Variants in VAV1 observed in about 807,000 individuals in gnomAD.
VAV1 encodes the protein proto-oncogene vav.
VAV1 carries 33 observed loss-of-function variants against 128.1 expected under a neutral mutation model. The observed-to-expected ratio is 0.26, with a 90% CI of 0.20 to 0.34. The LOEUF (loss-of-function observed/expected upper bound fraction) is 0.34, where lower values mean the gene tolerates loss of function less well. Among genes scored for constraint, VAV1 ranks in the 10% least tolerant of loss-of-function variants. The pLI, the probability that VAV1 is intolerant of heterozygous loss-of-function variation, is 1.00. For synonymous variants in VAV1, 394 were observed against 409.8 expected, an observed-to-expected ratio of 0.96 and a Z score of 0.47; for missense variants, 715 against 1,093.7, an observed-to-expected ratio of 0.65 and a Z score of 4.88.
chr19:6,786,703 A>G (rs1330193374), intron 1 of VAV1, among the ~76,000 whole-genome samples: 1 of 152,166 alleles, frequency 6.6e-6, no homozygotes, highest in East Asian at 1.9e-4. Context: ...GGATCACTTC[A>G]GCCTGGGAGA....
chr19:6,780,608 A>G (rs796473141), intron 1 of VAV1, among the ~76,000 whole-genome samples: 6 of 128,056 alleles, frequency 4.7e-5, no homozygotes, highest in African/African-American at 1.8e-4. Context: ...GTCTCACTCT[A>G]TTCCTCAGGC....
rs370624141 is a variant in VAV1, at chr19:6,805,583, T to TATACACACAC, written c.205-15118_205-15117insTACACACACA. Among the ~76,000 whole-genome samples, 9 of 139,096 alleles carry TATACACACAC rather than the reference T, an allele frequency of 6.5e-5. No individual in the cohort carries two copies. In the East Asian group the frequency reaches 1.1e-3, roughly 17 times the overall value. The allele number at this position is 139,096 out of a possible 152,430, so 91.3% of individuals were successfully genotyped here. On this transcript the variant is annotated intron_variant, in intron 1 of 26. Coordinates refer to ENST00000602142, the MANE Select transcript of VAV1 (RefSeq NM_005428.4). ...ATAGTGAGACCCTCATTTCTACAGA[T>TATACACACAC]ACACACACACACACACACACACACA... is the stretch of plus-strand genomic sequence containing the variant.
intron 1 of VAV1, among the ~76,000 whole-genome samples, chr19:6,795,968 C>T (rs527768484): frequency 6.6e-6 from 1 of 152,294 alleles, no homozygotes; most frequent in South Asian, 2.1e-4. Flanking sequence ...CAGGGGTGAG[C>T]CACCGCACCC....
At chr19:6,791,756 A>T (rs1210014642) in intron 1 of VAV1, among the ~76,000 whole-genome samples, 1 of 152,158 alleles carries the variant, frequency 6.6e-6, no homozygotes, top group Non-Finnish European at 1.5e-5. Context: ...AAACCCAGGG[A>T]TCAAGGGGAA....
chr19:6,778,622 C>T (rs1696297490), intron 1 of VAV1, among the ~76,000 whole-genome samples: 2 of 152,186 alleles, frequency 1.3e-5, no homozygotes, highest in South Asian at 4.1e-4. Context: ...GTGGTCCCAG[C>T]TACCCGAGAG....
chr19:6,820,769 G>A lies in VAV1; in HGVS notation c.272G>A (p.Ser91Asn). ...TCCEKFGLKR[S>N]ELFEAFDLFD... ...TGTGAGAAGTTCGGCCTCAAGCGGA[G>A]CGAGCTCTTCGAAGCCTTTGACCTC... is the stretch of plus-strand genomic sequence containing the variant. The change falls in exon 2 of 27, where the codon AGC (serine) becomes AAC (asparagine). Residue 91 changes from serine to asparagine, a missense_variant. By Grantham distance (46) the Ser-to-Asn change is conservative. Transcript: ENST00000602142. The surrounding 1 kb of genome is among the most constrained non-coding windows in gnomAD (Gnocchi z 4.4). 2 of 1,614,222 alleles carry A rather than the reference G, an allele frequency of 1.2e-6. No homozygotes were observed. Among genetic ancestry groups the A allele is most frequent in the Non-Finnish European group, 1.7e-6 (2 of 1,180,038 alleles).
At chr19:6,824,687 G>A (rs1206744998) in intron 6 of VAV1, among the ~76,000 whole-genome samples, 4 of 151,914 alleles carry the variant, frequency 2.6e-5, no homozygotes, top group South Asian at 2.1e-4. Flanking sequence ...ATCTGCCACC[G>A]TGCCCAGCTT....
chr19:6,784,332 G>T, intron 1 of VAV1: 1 of 457,316 alleles, frequency 2.2e-6, no homozygotes, highest in Non-Finnish European at 4.0e-6. Context: ...GGCCATGGGG[G>T]AGGAATTCAG....
At chr19:6,800,869 C>T (rs968987075) in intron 1 of VAV1, among the ~76,000 whole-genome samples, 1 of 149,076 alleles carries the variant, frequency 6.7e-6, no homozygotes, top group Non-Finnish European at 1.5e-5. Context: ...TCAAGTGATC[C>T]GCCCGCCTCA....
At chr19:6,846,812 A>G (rs1972533981) in intron 22 of VAV1, among the ~76,000 whole-genome samples, 2 of 147,684 alleles carry the variant, frequency 1.4e-5, no homozygotes, top group Non-Finnish European at 3.0e-5. Flanking sequence ...GTTATATATT[A>G]TTATATAATG....
intron 22 of VAV1, 95 bp downstream of exon 22, chr19:6,843,261 C>T: frequency 7.1e-7 from 1 of 1,399,358 alleles, no homozygotes; most frequent in Non-Finnish European, 1.0e-6. Context: ...ATTAGTTATG[C>T]ATTCTGTGAT....
At chr19:6,812,993 C>G (rs996316728) in intron 1 of VAV1, among the ~76,000 whole-genome samples, 1 of 152,196 alleles carries the variant, frequency 6.6e-6, no homozygotes, top group African/African-American at 2.4e-5. Flanking sequence ...ACACAGTAGG[C>G]ATAAACCCTT....
chr19:6,784,254 C>A, intron 1 of VAV1: 1 of 645,832 alleles, frequency 1.5e-6, no homozygotes, highest in Non-Finnish European at 2.8e-6. Context: ...AAGACCCTGT[C>A]TCTAAATATA....
intron 23 of VAV1, among the ~76,000 whole-genome samples, chr19:6,849,982 T>C (rs181030404): frequency 1.3e-4 from 20 of 152,198 alleles, no homozygotes; most frequent in Middle Eastern, 6.8e-3. Flanking sequence ...AAATGGTGGT[T>C]CTATTTTTAG....
chr19:6,820,961 A>G lies in VAV1; in HGVS notation c.321+143A>G. The G allele has an allele frequency of 1.3e-6, 1 of 768,430 alleles. No individual in the cohort carries two copies. Among genetic ancestry groups the G allele is most frequent in the Admixed American group, 2.1e-5 (1 of 48,484 alleles). The allele number at this position is 768,430 out of a possible 1,614,324, so 47.6% of individuals were successfully genotyped here. A position where few individuals can be genotyped will look rare whatever the true frequency, so the allele number is the denominator to read the frequency against. Reference sequence around the variant, plus strand: ...AAGACGCAAATAGCACTGGCTTGGGATATGTGGAACTGGGTTTGAGTTCCT... The same window carrying G: ...AAGACGCAAATAGCACTGGCTTGGGGTATGTGGAACTGGGTTTGAGTTCCT... On this transcript the variant is annotated intron_variant, in intron 2 of 26. Transcript: ENST00000602142. This position sits in a 1 kb window ranked among gnomAD's most constrained non-coding sequence, Gnocchi z 4.4.
Position 6,820,617 on chromosome 19 carries a change from C to A in VAV1, c.205-85C>A. The A allele has an allele frequency of 9.7e-7, 1 of 1,033,016 alleles. No homozygotes were observed. The highest frequency in any genetic ancestry group is 1.3e-5 in the South Asian group (1 of 76,960). 64.0% of individuals were successfully genotyped at this position (1,033,016 alleles called of 1,614,324 possible). ...CTGTGCTTTCATTTCCCCTCCACAC[C>A]AGTCCCCAAGCTAGGTGGCCTGGGG... On this transcript the variant is annotated intron_variant, in intron 1 of 26. Coordinates refer to ENST00000602142, the MANE Select transcript of VAV1 (RefSeq NM_005428.4). The surrounding 1 kb of genome is among the most constrained non-coding windows in gnomAD (Gnocchi z 4.4).
intron 1 of VAV1, among the ~76,000 whole-genome samples, chr19:6,788,957 C>T (rs1457736572): frequency 2.6e-5 from 4 of 152,182 alleles, no homozygotes; most frequent in East Asian, 1.9e-4. Context: ...CATGTGGGGC[C>T]GGATCATTTT....
intron 1 of VAV1, among the ~76,000 whole-genome samples, chr19:6,800,247 G>A (rs1026779967): frequency 6.6e-6 from 1 of 152,042 alleles, no homozygotes; most frequent in Non-Finnish European, 1.5e-5. Flanking sequence ...TTTCCAAAGT[G>A]GATCTGCCAT....
intron 23 of VAV1, among the ~76,000 whole-genome samples, chr19:6,848,319 C>T (rs1972575577): frequency 6.6e-6 from 1 of 152,154 alleles, no homozygotes; most frequent in South Asian, 2.1e-4. Context: ...CCTATAGAGG[C>T]TCAAAAAGGC....
Sources: allele counts gnomAD v4.1 joint callset (sites outside exome capture counted in the v4.1 genomes callset), GRCh38; gene constraint gnomAD v4.1.1; non-coding constraint Gnocchi (gnomAD v3.1); transcripts MANE v1.5; gene names NCBI Gene and HGNC (gene_info 2026-07-23, HGNC 2026-07-21).